MTUS1: variants seen among roughly 807,000 people sequenced by gnomAD.
MTUS1 encodes the protein microtubule-associated tumor suppressor 1.
MTUS1 carries 109 observed loss-of-function variants against 120.8 expected under a neutral mutation model. The ratio of observed to expected loss-of-function variants is 0.90; its 90% CI spans 0.77 to 1.06. MTUS1 has a LOEUF of 1.06. Among genes scored for constraint, MTUS1 ranks in the 50% least tolerant of loss-of-function variants. The probability of loss-of-function intolerance (pLI) is 0.00; values close to 1 mark genes in which losing one functional copy is unlikely to be tolerated. For missense variants in MTUS1, 2,210 were observed against 1,486.3 expected, an observed-to-expected ratio of 1.49 and a Z score of -8.01; for synonymous variants, 737 against 550.5, an observed-to-expected ratio of 1.34 and a Z score of -4.74.
intron 1 of MTUS1, among the ~76,000 whole-genome samples, chr8:17,796,012 C>T (rs1026117054): frequency 1.3e-5 from 2 of 151,760 alleles, no homozygotes; most frequent in Admixed American, 6.6e-5. Flanking sequence ...GGCAGTGGAG[C>T]GATCTCAGCT....
At chr8:17,743,525 A>G in intron 3 of MTUS1, 79 bp downstream of exon 3, 1 of 1,338,356 alleles carries the variant, frequency 7.5e-7, no homozygotes, top group Non-Finnish European at 1.0e-6. Context: ...TTAGTGACAG[A>G]AGGCATTAGA....
chr8:17,655,569 C>T (rs1238170127), intron 9 of MTUS1, among the ~76,000 whole-genome samples: 5 of 151,994 alleles, frequency 3.3e-5, no homozygotes, highest in East Asian at 3.9e-4. Flanking sequence ...ACTAAAAATA[C>T]AAAAATTAGC....
chr8:17,758,300 C>T (rs756824993), intron 1 of MTUS1: 1 of 152,140 alleles, frequency 6.6e-6, no homozygotes, highest in Non-Finnish European at 1.5e-5. Context: ...CATCCTGATA[C>T]CAGCCTTTAA....
At chr8:17,717,662 GTTC>G (rs1392246388) in intron 4 of MTUS1, among the ~76,000 whole-genome samples, 1 of 152,088 alleles carries the variant, frequency 6.6e-6, no homozygotes, top group African/African-American at 2.4e-5. Context: ...AAGGCCCACG[GTTC>G]ACAAAGAGAT....
intron 5 of MTUS1, among the ~76,000 whole-genome samples, chr8:17,714,130 T>G (rs990896098): frequency 1.3e-5 from 2 of 152,204 alleles, no homozygotes. Context: ...TCCAACCTGA[T>G]GTCAACTCAG....
intron 1 of MTUS1, among the ~76,000 whole-genome samples, chr8:17,799,282 T>C (rs2052496103): frequency 6.6e-6 from 1 of 152,174 alleles, no homozygotes; most frequent in Non-Finnish European, 1.5e-5. Flanking sequence ...GTTTGATACA[T>C]CTATGTAATG....
chr8:17,768,792 C>T (rs552528835), intron 1 of MTUS1, among the ~76,000 whole-genome samples: 2 of 152,210 alleles, frequency 1.3e-5, no homozygotes, highest in South Asian at 4.2e-4. Context: ...GGGCAGACAG[C>T]ATTCCAAAGT....
At chr8:17,787,341 C>T (rs1363865223) in intron 1 of MTUS1, among the ~76,000 whole-genome samples, 2 of 152,224 alleles carry the variant, frequency 1.3e-5, no homozygotes, top group African/African-American at 4.8e-5. Context: ...GTCACATTCC[C>T]CCATCCCTCC....
Position 17,754,097 on chromosome 8 carries a change from T to C in MTUS1, c.1711A>G (p.Ile571Val). 1 of 1,614,138 alleles carries C rather than the reference T, an allele frequency of 6.2e-7. No individual in the cohort carries two copies. The highest frequency in any genetic ancestry group is 1.1e-5 in the South Asian group (1 of 91,082). Residue 571 changes from isoleucine to valine, a missense_variant, in exon 2 of 15, where the codon ATT becomes GTT. Physicochemically the swap from Ile to Val is conservative, Grantham distance 29. Coordinates refer to ENST00000693296, the MANE Select transcript of MTUS1 (RefSeq NM_001363059.2). ...AACTGCTGCTTATGTGTCTTGTTAA[T>C]TAGAATTTCTGCTTTTTTGTCTGCA... ...LNADKKAEIL[I>V]NKTHKQQFNK...
At chr8:17,697,208 T>C in intron 6 of MTUS1, 3 of 1,534,168 alleles carry the variant, frequency 2.0e-6, no homozygotes, top group African/African-American at 1.4e-5. Flanking sequence ...TGCAAATTAA[T>C]GAAGACATCC....
chr8:17,723,719 G>C lies in MTUS1; in HGVS notation c.2402C>G (p.Pro801Arg), dbSNP rs758378088. The change falls in exon 4 of 15, where the codon CCC (proline) becomes CGC (arginine). Residue 801 changes from proline (P) to arginine (R), a missense_variant. By Grantham distance (103) the Pro-to-Arg change is moderately radical. Coordinates refer to ENST00000693296, the MANE Select transcript of MTUS1 (RefSeq NM_001363059.2). Reference protein sequence around the residue: ...SPALRRTGSTPSIASTHSELS... With the variant: ...SPALRRTGSTRSIASTHSELS... ...CTCACTGTGGGTGCTGGCTATTGAG[G>C]GGGTGCTTCCTGTCCTCCGCAGCGC... 3.7e-6 allele frequency: 6 copies of C among 1,610,948 alleles called. 1 individual carries two copies. In the South Asian group the frequency reaches 5.5e-5, roughly 15 times the overall value.
At chr8:17,744,233 G>C (rs1428866236) in intron 2 of MTUS1, among the ~76,000 whole-genome samples, 3 of 152,000 alleles carry the variant, frequency 2.0e-5, no homozygotes, top group Non-Finnish European at 4.4e-5. Flanking sequence ...CCAGATCTTT[G>C]GTCCCAAAGA....
intron 4 of MTUS1, among the ~76,000 whole-genome samples, chr8:17,722,940 T>C (rs895135148): frequency 6.6e-6 from 1 of 152,124 alleles, no homozygotes. Context: ...TTGTGTCTGG[T>C]TTTATTGGTA....
chr8:17,710,967 T>A (rs1437191073), intron 6 of MTUS1, among the ~76,000 whole-genome samples: 1 of 152,174 alleles, frequency 6.6e-6, no homozygotes. Context: ...CAGTCGGCAG[T>A]AGTATTTTGA....
intron 7 of MTUS1, among the ~76,000 whole-genome samples, chr8:17,676,813 T>C (rs1022564721): frequency 3.9e-5 from 6 of 152,170 alleles, no homozygotes; most frequent in Admixed American, 2.6e-4. Context: ...GGTTATGAAC[T>C]AGGTGAAGAG....
chr8:17,713,592 C>G (rs1821755374), intron 5 of MTUS1, among the ~76,000 whole-genome samples: 1 of 152,190 alleles, frequency 6.6e-6, no homozygotes, highest in Non-Finnish European at 1.5e-5. Context: ...ATATGCCATT[C>G]TGCTGCCGGG....
rs6992775 is a variant in MTUS1 at position 17,731,393 on chromosome 8, T to G, written c.2288-7560A>C. On this transcript the variant is annotated intron_variant, in intron 3 of 14. Transcript: ENST00000693296. ...GTACTCCTTACCTCATAGGTTCTTGTGAGAATTAAATGAATTTATAATTTT... is the reference window on the plus strand; with the variant it reads ...GTACTCCTTACCTCATAGGTTCTTGGGAGAATTAAATGAATTTATAATTTT... Among the ~76,000 whole-genome samples the G allele has an allele frequency of 4.9e-3, 739 of 152,270 alleles. 5 individuals carry two copies. The highest frequency in any genetic ancestry group is 0.017 in the African/African-American group (713 of 41,542).
At chr8:17,730,057 T>A (rs1445734914) in intron 3 of MTUS1, among the ~76,000 whole-genome samples, 1 of 151,046 alleles carries the variant, frequency 6.6e-6, no homozygotes. Context: ...ACTGGAACCC[T>A]TGTGCAAGGC....
intron 1 of MTUS1, among the ~76,000 whole-genome samples, chr8:17,779,675 C>T (rs1427437772): frequency 6.6e-6 from 1 of 152,200 alleles, no homozygotes; most frequent in Non-Finnish European, 1.5e-5. Context: ...AGGCCCCCTT[C>T]ACTTGGCTTC....
Sources: gnomAD v4.1 joint callset for allele counts (sites outside exome capture counted in the v4.1 genomes callset) on GRCh38, gnomAD v4.1.1 for gene constraint, MANE v1.5 for transcripts, NCBI Gene and HGNC (gene_info 2026-07-23, HGNC 2026-07-21) for gene names.